The following CFAP43 variants were observed in gnomAD, a reference collection of about 807,000 sequenced individuals.
CFAP43 encodes the protein cilia and flagella associated protein 43, also known as cilia- and flagella-associated protein 43.
Under a neutral mutation model 218.9 loss-of-function variants are expected in CFAP43, and 155 were observed. That is an observed-to-expected ratio of 0.71 (90% CI 0.62 to 0.81). The LOEUF (loss-of-function observed/expected upper bound fraction) is 0.81. CFAP43 is among the 30% of genes least tolerant of loss of function. The pLI is 0.00. For missense variants in CFAP43, 1,778 were observed against 1,954.3 expected (o/e 0.91, Z 1.70); for synonymous variants, 645 against 681.3 (o/e 0.95, Z 0.83).
In CFAP43 at chr10:104,184,298, A is replaced by T. The variant is rs373595717; in HGVS notation, c.2141+718T>A. Among the ~76,000 whole-genome samples the T allele has an allele frequency of 8.5e-5, 13 of 152,306 alleles. 1 individual carries two copies. The East Asian group carries it at 1.5e-3, about 18-fold the overall frequency. On this transcript the variant is annotated intron_variant, in intron 16 of 37. Transcript: ENST00000357060. The stretch of plus-strand genomic sequence containing the variant: ...TTTGGGGACTGAAACTGTCTTTGAT[A>T]TAATCTAAGCAAAATCTAATTAGGA...
intron 31 of CFAP43, among the ~76,000 whole-genome samples, chr10:104,144,780 A>G (rs1320469153): frequency 1.3e-5 from 2 of 152,242 alleles, no homozygotes; most frequent in Non-Finnish European, 2.9e-5. Flanking sequence ...CTTGATTTCT[A>G]GATTACATTT....
intron 28 of CFAP43, among the ~76,000 whole-genome samples, chr10:104,148,798 C>T (rs964148065): frequency 1.3e-5 from 2 of 152,184 alleles, no homozygotes; most frequent in Non-Finnish European, 2.9e-5. Flanking sequence ...AATTATGCAG[C>T]CTCAGGTATT....
intron 19 of CFAP43, among the ~76,000 whole-genome samples, chr10:104,176,101 G>A (rs530472287): frequency 7.2e-5 from 11 of 152,136 alleles, no homozygotes; most frequent in African/African-American, 2.6e-4. Context: ...TTATTCTCAA[G>A]GTACAAGAAC....
rs1564804427 is a variant in CFAP43 at position 104,212,176 on chromosome 10, T to A, written c.585-19A>T. The A allele has an allele frequency of 6.2e-7, 1 of 1,607,882 alleles. No individual in the cohort carries two copies. The highest frequency in any genetic ancestry group is 8.5e-7 in the Non-Finnish European group (1 of 1,175,864). ...CACCGACCTGTAGACAAAAGAGGCA[T>A]CAGAACAATGAGATGAACAGAAACT... On this transcript the variant is annotated intron_variant, in intron 4 of 37. Coordinates refer to ENST00000357060, the MANE Select transcript of CFAP43 (RefSeq NM_025145.7).
chr10:104,189,016 T>C (rs541471609), intron 12 of CFAP43, among the ~76,000 whole-genome samples: 413 of 152,256 alleles, frequency 2.7e-3, no homozygotes, highest in African/African-American at 9.0e-3. Flanking sequence ...TGACCTTCCC[T>C]CTTCCTTAAC....
chr10:104,199,316 C>G (rs886188976), intron 8 of CFAP43, among the ~76,000 whole-genome samples: 1 of 152,100 alleles, frequency 6.6e-6, no homozygotes, highest in African/African-American at 2.4e-5. Context: ...AAGTTCTTCA[C>G]GCTTACTTGA....
chr10:104,230,508 A>C, intron 2 of CFAP43, 82 bp downstream of exon 2: 1 of 1,505,592 alleles, frequency 6.6e-7, no homozygotes, highest in Non-Finnish European at 8.9e-7. Flanking sequence ...TTCAAAAAAT[A>C]AATCTTCACT....
chr10:104,213,900 T>C (rs1036133118), intron 4 of CFAP43, among the ~76,000 whole-genome samples: 2 of 152,288 alleles, frequency 1.3e-5, no homozygotes, highest in East Asian at 3.9e-4. Flanking sequence ...ATCTGAGTAA[T>C]AGCAAAAGTC....
intron 27 of CFAP43, among the ~76,000 whole-genome samples, chr10:104,158,131 A>G (rs2088673983): frequency 6.6e-6 from 1 of 152,176 alleles, no homozygotes; most frequent in Non-Finnish European, 1.5e-5. Flanking sequence ...GCAGAAGAAT[A>G]CTAACTAATA....
chr10:104,169,999 G>A (rs967391255), intron 20 of CFAP43, among the ~76,000 whole-genome samples: 5 of 152,092 alleles, frequency 3.3e-5, no homozygotes, highest in African/African-American at 1.2e-4. Flanking sequence ...GGCCGGGGTA[G>A]GGTAGTAGCC....
intron 1 of CFAP43, 45 bp from the exon 2 acceptor site, chr10:104,230,888 A>AAT (rs750692042): frequency 2.0e-6 from 3 of 1,495,286 alleles, no homozygotes; most frequent in African/African-American, 2.8e-5. Flanking sequence ...CATTTCAAAT[A>AAT]CTTTTTTTTT....
chr10:104,184,094 C>T (rs76986594), intron 16 of CFAP43, among the ~76,000 whole-genome samples: 12,745 of 152,188 alleles, frequency 0.084, 550 homozygotes, highest in East Asian at 0.13. Context: ...TGATTGAAAC[C>T]ACCTTTGCAA....
intron 8 of CFAP43, among the ~76,000 whole-genome samples, chr10:104,199,579 T>C (rs905498377): frequency 3.9e-5 from 6 of 152,096 alleles, no homozygotes; most frequent in Non-Finnish European, 8.8e-5. Context: ...AAATAAAATA[T>C]ACTGTAAGTT....
chr10:104,132,010 C>T, intron 36 of CFAP43, 106 bp downstream of exon 36: 1 of 839,458 alleles, frequency 1.2e-6, no homozygotes, highest in Non-Finnish European at 1.7e-6. Context: ...AGTAAATAAC[C>T]AAGATTTTAT....
intron 3 of CFAP43, among the ~76,000 whole-genome samples, chr10:104,220,137 A>G (rs2091137198): frequency 6.6e-6 from 1 of 152,212 alleles, no homozygotes; most frequent in Non-Finnish European, 1.5e-5. Context: ...TGAAAATAAA[A>G]GCAGAGATCT....
intron 34 of CFAP43, among the ~76,000 whole-genome samples, chr10:104,134,349 G>A (rs1018224562): frequency 2.6e-5 from 4 of 152,098 alleles, no homozygotes; most frequent in African/African-American, 9.7e-5. Flanking sequence ...AGTGAGCCGT[G>A]TTCATGCCAC....
At chr10:104,162,998 G>T (rs1432923194) in intron 24 of CFAP43, among the ~76,000 whole-genome samples, 1 of 152,094 alleles carries the variant, frequency 6.6e-6, no homozygotes, top group Non-Finnish European at 1.5e-5. Context: ...CCCCAAGCAG[G>T]GCCCTCCAGA....
intron 34 of CFAP43, among the ~76,000 whole-genome samples, chr10:104,139,103 A>T (rs2087585904): frequency 1.3e-5 from 2 of 152,238 alleles, no homozygotes; most frequent in South Asian, 4.1e-4. Flanking sequence ...TGATGGGCTC[A>T]TTATCAGACT....
intron 12 of CFAP43, among the ~76,000 whole-genome samples, chr10:104,191,313 A>AACTCTTCC (rs148889563): frequency 0.1 from 15,264 of 152,090 alleles, 810 homozygotes; most frequent in Middle Eastern, 0.17. Flanking sequence ...TCTTCTAGTA[A>AACTCTTCC]ACTCTTCCAT....
Sources: gnomAD v4.1 joint callset for allele counts (sites outside exome capture counted in the v4.1 genomes callset) on GRCh38, gnomAD v4.1.1 for gene constraint, MANE v1.5 for transcripts, NCBI Gene and HGNC (gene_info 2026-07-23, HGNC 2026-07-21) for gene names.